The following GTF3C1 variants were observed in gnomAD, a reference collection of about 807,000 sequenced individuals.
The protein encoded by GTF3C1 is general transcription factor IIIC subunit 1, also known as general transcription factor 3C polypeptide 1.
GTF3C1 carries 57 observed loss-of-function variants against 226.7 expected under a neutral mutation model. That is an observed-to-expected ratio of 0.25 (90% CI 0.20 to 0.31). The LOEUF (loss-of-function observed/expected upper bound fraction) is 0.31, where lower values mean the gene tolerates loss of function less well. Among genes scored for constraint, GTF3C1 ranks in the 10% least tolerant of loss-of-function variants. The probability of loss-of-function intolerance (pLI) is 1.00; values close to 1 mark genes in which losing one functional copy is unlikely to be tolerated. For missense variants in GTF3C1, 2,217 were observed against 2,776.1 expected (o/e 0.80, Z 4.53); for synonymous variants, 1,090 against 1,084.8 (o/e 1.00, Z -0.09).
intron 7 of GTF3C1, among the ~76,000 whole-genome samples, chr16:27,510,341 G>A (rs1034086368): frequency 4.0e-5 from 6 of 151,268 alleles, no homozygotes; most frequent in Non-Finnish European, 7.4e-5. Context: ...AGCCAAGATC[G>A]CACCACTGCA....
intron 9 of GTF3C1, among the ~76,000 whole-genome samples, 182 bp from the exon 10 acceptor site, chr16:27,506,298 C>T (rs1391204237): frequency 6.6e-6 from 1 of 152,174 alleles, no homozygotes; most frequent in East Asian, 1.9e-4. Context: ...AGCAGGGTTT[C>T]TCCACTTGGC....
intron 8 of GTF3C1, among the ~76,000 whole-genome samples, 198 bp downstream of exon 8, chr16:27,508,341 TA>T (rs2088518997): frequency 6.6e-6 from 1 of 152,154 alleles, no homozygotes; most frequent in Non-Finnish European, 1.5e-5. Flanking sequence ...ATTCAATTCT[TA>T]AAAAGTGAAG....
Position 27,537,890 on chromosome 16 carries a change from A to G in GTF3C1, c.646T>C (p.Leu216=), listed in dbSNP as rs764226998. ...ATTGTAATCAGCCCGTTTTTGTTCA[A>G]AATTTTTCTGTGATAGTGCAGCTTC... ...AGKLHYHRKI[L]NKNGLITMQS... The change falls in exon 4 of 37, where the codon TTG becomes CTG. Residue 216 remains leucine, a synonymous_variant. Transcript: ENST00000356183. 5 of 1,614,000 alleles carry G rather than the reference A, an allele frequency of 3.1e-6. No homozygotes were observed. Among genetic ancestry groups the G allele is most frequent in the African/African-American group, 2.7e-5 (2 of 74,924 alleles).
intron 2 of GTF3C1, among the ~76,000 whole-genome samples, chr16:27,543,497 C>T (rs1270571579): frequency 6.6e-6 from 1 of 152,174 alleles, no homozygotes; most frequent in Non-Finnish European, 1.5e-5. Context: ...CTCAAGCAAT[C>T]CCCCCATCGC....
chr16:27,547,507 A>C (rs1249561320), intron 1 of GTF3C1, among the ~76,000 whole-genome samples: 1 of 151,788 alleles, frequency 6.6e-6, no homozygotes, highest in Non-Finnish European at 1.5e-5. Flanking sequence ...TCAGGTGCCC[A>C]AACAGCAGCC....
intron 2 of GTF3C1, 106 bp from the exon 3 acceptor site, chr16:27,538,462 G>A: frequency 1.5e-6 from 1 of 673,376 alleles, no homozygotes; most frequent in Non-Finnish European, 2.4e-6. Flanking sequence ...CTTCTGCTAG[G>A]AGTTTACAAG....
chr16:27,496,464 GT>G (rs1463791095), intron 14 of GTF3C1, among the ~76,000 whole-genome samples: 5 of 152,154 alleles, frequency 3.3e-5, no homozygotes, highest in Non-Finnish European at 7.4e-5. Context: ...CCAGGCTGGA[GT>G]ACAGTGGCAT....
In GTF3C1 at chr16:27,545,538, A is replaced by G; in HGVS notation, c.222-15T>C. On this transcript the variant is annotated splice_polypyrimidine_tract_variant and intron_variant, in intron 1 of 36. Transcript: ENST00000356183. ...TTTCTTCATACCTAAGGAGAAAAAC[A>G]CAAATATCAAAGCCCAACTCAGCTT... 1 of 1,468,588 alleles carries G rather than the reference A, an allele frequency of 6.8e-7. No individual in the cohort carries two copies. Among genetic ancestry groups the G allele is most frequent in the African/African-American group, 1.4e-5 (1 of 72,354 alleles). The allele number at this position is 1,468,588 out of a possible 1,614,324, so 91.0% of individuals were successfully genotyped here.
At chr16:27,488,514 T>C (rs1461885973) in intron 22 of GTF3C1, 40 bp downstream of exon 22, 1 of 1,578,076 alleles carries the variant, frequency 6.3e-7, no homozygotes, top group Non-Finnish European at 8.7e-7. Flanking sequence ...CCTGAACTGG[T>C]ACCATATTAA....
chr16:27,517,386 G>A (rs536763546), intron 6 of GTF3C1, among the ~76,000 whole-genome samples: 3 of 152,306 alleles, frequency 2.0e-5, no homozygotes, highest in East Asian at 3.9e-4. Context: ...ACCCGAATAA[G>A]CGCACGTCAT....
intron 2 of GTF3C1, among the ~76,000 whole-genome samples, chr16:27,542,557 G>A (rs1209790375): frequency 3.4e-5 from 5 of 147,220 alleles, no homozygotes; most frequent in East Asian, 2.0e-4. Context: ...GCAAAACCCC[G>A]CCTCAAAAAG....
chr16:27,493,292 TC>T lies in GTF3C1; in HGVS notation c.2782del (p.Asp928ThrfsTer7). On this transcript the variant is annotated frameshift_variant, in exon 17 of 37. Transcript: ENST00000356183. LOFTEE classifies it high-confidence loss of function. The stretch of plus-strand genomic sequence containing the variant: ...GTCGTTCAGAAATTCCTCCAGGTTG[TC>T]CACCTGAAGAGGTGATGTGCAGGTT... ...IQIVQVSYKV[D>X]NLEEFLNDPL... 6.3e-7 allele frequency: 1 copy of T among 1,578,522 alleles called. No homozygotes were observed. The highest frequency in any genetic ancestry group is 8.7e-7 in the Non-Finnish European group (1 of 1,147,482).
chr16:27,497,644 G>T lies in GTF3C1; in HGVS notation c.2343C>A (p.Pro781=), dbSNP rs1430891755. The T allele has an allele frequency of 1.9e-6, 3 of 1,611,162 alleles. No individual in the cohort carries two copies. Among genetic ancestry groups the T allele is most frequent in the Middle Eastern group, 1.7e-4 (1 of 5,938 alleles). Reference sequence around the variant, plus strand: ...CAAGAAGCTGCAGCTTACCTACAATGGGGTGATAATTTCTAAGCGGGGTTA... The same window carrying T: ...CAAGAAGCTGCAGCTTACCTACAATTGGGTGATAATTTCTAAGCGGGGTTA... ...MGITPLRNYH[P]IVVPGLGRSL... Residue 781 remains proline, a synonymous_variant, in exon 14 of 37, where the codon CCC becomes CCA. Transcript: ENST00000356183.
At chr16:27,538,132 G>T (rs374352553) in intron 3 of GTF3C1, 48 bp downstream of exon 3, 23 of 1,357,044 alleles carry the variant, frequency 1.7e-5, no homozygotes, top group African/African-American at 4.4e-5. Context: ...GGGATTCAGG[G>T]TGCAATGACA....
chr16:27,488,487 AG>A, intron 22 of GTF3C1, 66 bp downstream of exon 22: 1 of 1,548,620 alleles, frequency 6.5e-7, no homozygotes, highest in South Asian at 1.1e-5. Flanking sequence ...AACCGAACAT[AG>A]GGTAGTCGTT....
At position 27,469,667 on chromosome 16, in the gene GTF3C1, G is replaced by A; in HGVS notation, c.4815-117C>T. On this transcript the variant is annotated intron_variant, in intron 31 of 36. Transcript: ENST00000356183. The surrounding 1 kb of genome is among the most constrained non-coding windows in gnomAD (Gnocchi z 4.5). The stretch of plus-strand genomic sequence containing the variant: ...GCTTCAGCAGTGGCCCCAGCAACTG[G>A]CTATGCTTCATTACCAAGGCTGGTG... 1 of 1,128,208 alleles carries A rather than the reference G, an allele frequency of 8.9e-7. No individual in the cohort carries two copies. Among genetic ancestry groups the A allele is most frequent in the African/African-American group, 1.5e-5 (1 of 64,962 alleles). The allele number at this position is 1,128,208 out of a possible 1,614,324, so 69.9% of individuals were successfully genotyped here.
At chr16:27,518,673 A>G (rs533063929) in intron 6 of GTF3C1, among the ~76,000 whole-genome samples, 7 of 152,298 alleles carry the variant, frequency 4.6e-5, no homozygotes, top group Admixed American at 1.3e-4. Flanking sequence ...ACATGTACAG[A>G]TGAAAGAGAC....
In GTF3C1 at chr16:27,538,103, A is replaced by G. The variant is rs113164006; in HGVS notation, c.608+77T>C. On this transcript the variant is annotated intron_variant, in intron 3 of 36. Coordinates refer to ENST00000356183, the MANE Select transcript of GTF3C1 (RefSeq NM_001520.4). ...AAAGCCATGCCTCAGGGAAGATACC[A>G]CAGCAGGCCCCTGCATTTGGGATTC... is the stretch of plus-strand genomic sequence containing the variant. 1,830 of 1,244,738 alleles carry G rather than the reference A, an allele frequency of 1.5e-3. 26 individuals are homozygous for G. The African/African-American group carries it at 0.024, about 17-fold the overall frequency. 77.1% of individuals were successfully genotyped at this position (1,244,738 alleles called of 1,614,324 possible). A position where few individuals can be genotyped will look rare whatever the true frequency, so the allele number is the denominator to read the frequency against.
Position 27,498,673 on chromosome 16 carries a change from C to T in GTF3C1, c.2122G>A (p.Glu708Lys). 7 of 1,607,828 alleles carry T rather than the reference C, an allele frequency of 4.4e-6. No homozygotes were observed. Among genetic ancestry groups the T allele is most frequent in the Non-Finnish European group, 6.0e-6 (7 of 1,174,270 alleles). The change falls in exon 13 of 37, where the codon GAG becomes AAG. Residue 708 changes from glutamate to lysine, a missense_variant. Physicochemically the swap from Glu to Lys is moderately conservative, Grantham distance 56 (BLOSUM62 1). Coordinates refer to ENST00000356183, the MANE Select transcript of GTF3C1 (RefSeq NM_001520.4). ...TTGGAGATCCGGAAGCGGACCTGCT[C>T]GATGGCACTTCTCACTAGAGGGTCG... Reference protein sequence around the residue: ...QNDPLVRSAIEQVRFRISNSS... With the variant: ...QNDPLVRSAIKQVRFRISNSS...
Sources: gnomAD v4.1 joint callset for allele counts (sites outside exome capture counted in the v4.1 genomes callset) on GRCh38, gnomAD v4.1.1 for gene constraint, Gnocchi (gnomAD v3.1) non-coding constraint, MANE v1.5 for transcripts, NCBI Gene and HGNC (gene_info 2026-07-23, HGNC 2026-07-21) for gene names.